DUSP7: variants seen among roughly 807,000 people sequenced by gnomAD.
DUSP7 encodes the protein dual specificity protein phosphatase 7.
A neutral mutation model predicts 29.8 loss-of-function variants in DUSP7; 7 were observed. The observed-to-expected ratio is 0.24, with a 90% CI of 0.13 to 0.44. The LOEUF is 0.44. DUSP7 is among the 20% of genes least tolerant of loss of function. The probability of loss-of-function intolerance (pLI) is 1.00; values close to 1 mark genes in which losing one functional copy is unlikely to be tolerated. For synonymous variants in DUSP7, 287 were observed against 275.4 expected, an observed-to-expected ratio of 1.04 and a Z score of -0.42; for missense variants, 400 against 583.7, an observed-to-expected ratio of 0.69 and a Z score of 3.24.
Position 52,056,508 on chromosome 3 carries a change from G to T in DUSP7, c.-142C>A, listed in dbSNP as rs926803995. 7.6e-6 allele frequency: 2 copies of T among 262,630 alleles called. No homozygotes were observed. Among genetic ancestry groups the T allele is most frequent in the African/African-American group, 4.7e-5 (2 of 42,722 alleles). 16.3% of individuals were successfully genotyped at this position (262,630 alleles called of 1,614,324 possible). On this transcript the variant is annotated 5_prime_UTR_variant, in exon 1 of 3. Transcript: ENST00000495880. This position sits in a 1 kb window ranked among gnomAD's most constrained non-coding sequence, Gnocchi z 6.4. ...GCCGCCCCGGCCTCCCGGCCTCCCGGCCTCCGTCCCGCCCGCCCGCCCGGC... is the reference window on the plus strand; with the variant it reads ...GCCGCCCCGGCCTCCCGGCCTCCCGTCCTCCGTCCCGCCCGCCCGCCCGGC...
At chr3:52,055,756 G>C in intron 1 of DUSP7, 94 bp downstream of exon 1, 1 of 1,392,250 alleles carries the variant, frequency 7.2e-7, no homozygotes, top group Non-Finnish European at 9.4e-7. Context: ...AGAGGGGCAG[G>C]CCGAGCGCGT....
At position 52,054,729 on chromosome 3, in the gene DUSP7, G is replaced by T. The variant is rs1701881771; in HGVS notation, c.518-355C>A. Among the ~76,000 whole-genome samples the T allele has an allele frequency of 6.6e-6, 1 of 152,146 alleles. No homozygotes were observed. Among genetic ancestry groups the T allele is most frequent in the Admixed American group, 6.6e-5 (1 of 15,266 alleles). On this transcript the variant is annotated intron_variant, in intron 1 of 2. Coordinates refer to ENST00000495880, the MANE Select transcript of DUSP7 (RefSeq NM_001947.4). This position sits in a 1 kb window ranked among gnomAD's most constrained non-coding sequence, Gnocchi z 4.1. ...CTCCCACGCACACCTAGCACCCATG[G>T]GTGTTCAGTAACAGCTAAGTGGTAA...
chr3:52,055,647 C>A (rs1410603525), intron 1 of DUSP7, among the ~76,000 whole-genome samples: 1 of 152,200 alleles, frequency 6.6e-6, no homozygotes, highest in East Asian at 1.9e-4. Context: ...CGAATCGTGC[C>A]GAGAAAGGGG....
Position 52,051,067 on chromosome 3 carries a change from G to A in DUSP7, c.1008C>T (p.Ser336=), listed in dbSNP as rs1194854490. 3 of 1,613,860 alleles carry A rather than the reference G, an allele frequency of 1.9e-6. No individual in the cohort carries two copies. Among genetic ancestry groups the A allele is most frequent in the Non-Finnish European group, 2.5e-6 (3 of 1,180,014 alleles). The part of the protein sequence containing the change: ...GVLVHCLAGI[S]RSVTVTVAYL... ...AGGCCACAGTGACCGTCACTGAGCGGCTGATGCCTGCCAGGCAGTGCACCA... is the reference window on the plus strand; with the variant it reads ...AGGCCACAGTGACCGTCACTGAGCGACTGATGCCTGCCAGGCAGTGCACCA... The change falls in exon 3 of 3, where the codon AGC becomes AGT. Residue 336 remains serine, a synonymous_variant. Coordinates refer to ENST00000495880, the MANE Select transcript of DUSP7 (RefSeq NM_001947.4). This position sits in a 1 kb window ranked among gnomAD's most constrained non-coding sequence, Gnocchi z 4.8.
chr3:52,055,034 C>T (rs2106894148), intron 1 of DUSP7, among the ~76,000 whole-genome samples: 1 of 152,332 alleles, frequency 6.6e-6, no homozygotes, highest in Middle Eastern at 3.4e-3. Flanking sequence ...GCCCCACCCC[C>T]AGCCTTGGAC....
chr3:52,053,158 T>C lies in DUSP7; in HGVS notation c.952+782A>G, dbSNP rs1373041781. 2 of 152,322 alleles carry C rather than the reference T, an allele frequency of 1.3e-5. No homozygotes were observed. The highest frequency in any genetic ancestry group is 2.9e-5 in the Non-Finnish European group (2 of 68,138). 9.4% of individuals were successfully genotyped at this position (152,322 alleles called of 1,614,324 possible). On this transcript the variant is annotated intron_variant, in intron 2 of 2. Coordinates refer to ENST00000495880, the MANE Select transcript of DUSP7 (RefSeq NM_001947.4). This position sits in a 1 kb window ranked among gnomAD's most constrained non-coding sequence, Gnocchi z 4.6. ...AACATTGGGTCACCAGGCTCAGAGA[T>C]AGAGCGTTTACATTCATCCTGAGCC...
rs937176242 is a variant in DUSP7 at position 52,050,957 on chromosome 3, T to C, written c.1118A>G (p.Asn373Ser). ...AAAGTCCAGCAGCTGCCCCATGAAG[T>C]TGAAGTTGGGCGAGATGTTGGACTT... ...RKKSNISPNFNFMGQLLDFER... is the reference protein window; with the variant it reads ...RKKSNISPNFSFMGQLLDFER... The change falls in exon 3 of 3, where the codon AAC becomes AGC. Residue 373 changes from asparagine to serine, a missense_variant. Physicochemically the swap from Asn to Ser is conservative, Grantham distance 46. Coordinates refer to ENST00000495880, the MANE Select transcript of DUSP7 (RefSeq NM_001947.4). The surrounding 1 kb of genome is among the most constrained non-coding windows in gnomAD (Gnocchi z 5.0). 1.2e-6 allele frequency: 2 copies of C among 1,614,138 alleles called. No homozygotes were observed. The highest frequency in any genetic ancestry group is 1.7e-6 in the Non-Finnish European group (2 of 1,180,054).
intron 1 of DUSP7, among the ~76,000 whole-genome samples, chr3:52,055,455 T>C (rs1661119521): frequency 1.3e-5 from 2 of 152,198 alleles, no homozygotes; most frequent in African/African-American, 4.8e-5. Context: ...GTGCCCTTCC[T>C]GATCCTGGCC....
rs757721771 is a variant in DUSP7, at chr3:52,054,316, G to A, written c.576C>T (p.Ser192=). The A allele has an allele frequency of 6.3e-7, 1 of 1,577,282 alleles. No individual in the cohort carries two copies. Among genetic ancestry groups the A allele is most frequent in the African/African-American group, 1.4e-5 (1 of 74,042 alleles). Residue 192 remains serine (S), a synonymous_variant, in exon 2 of 3, where the codon AGC becomes AGT. Transcript: ENST00000495880. This position sits in a 1 kb window ranked among gnomAD's most constrained non-coding sequence, Gnocchi z 4.1. ...YSEHCETNVD[S]SSSPSSSPPT... Reference sequence around the variant, plus strand: ...GTGGCGAGCTGCTCGGCGAGGAAGAGCTGTCCACGTTGGTCTCGCAGTGCT... The same window carrying A: ...GTGGCGAGCTGCTCGGCGAGGAAGAACTGTCCACGTTGGTCTCGCAGTGCT...
intron 1 of DUSP7, among the ~76,000 whole-genome samples, chr3:52,055,549 G>A (rs1266378281): frequency 6.6e-6 from 1 of 152,156 alleles, no homozygotes; most frequent in East Asian, 1.9e-4. Flanking sequence ...ACCTCTGAGG[G>A]GCTCCACTGG....
chr3:52,054,053 T>G lies in DUSP7; in HGVS notation c.839A>C (p.Asn280Thr). 6.2e-7 allele frequency: 1 copy of G among 1,614,082 alleles called. No homozygotes were observed. The highest frequency in any genetic ancestry group is 8.5e-7 in the Non-Finnish European group (1 of 1,180,004). ...GCCGTGCTCGAAGGCGTTGGGTAGG[T>G]TGGGTGTGACATTGAGGATATACTT... Reference protein sequence around the residue: ...GIKYILNVTPNLPNAFEHGGE... With the variant: ...GIKYILNVTPTLPNAFEHGGE... The change falls in exon 2 of 3, where the codon AAC (asparagine) becomes ACC (threonine). Residue 280 changes from asparagine (N) to threonine (T), a missense_variant. Coordinates refer to ENST00000495880, the MANE Select transcript of DUSP7 (RefSeq NM_001947.4). The surrounding 1 kb of genome is among the most constrained non-coding windows in gnomAD (Gnocchi z 4.1).
chr3:52,055,049 A>G (rs551697900), intron 1 of DUSP7, among the ~76,000 whole-genome samples: 1 of 152,200 alleles, frequency 6.6e-6, no homozygotes, highest in South Asian at 2.1e-4. Flanking sequence ...TTGGACCTGC[A>G]GCGGGGGAGG....
At position 52,053,234 on chromosome 3, in the gene DUSP7, A is replaced by T. The variant is rs1004467067; in HGVS notation, c.952+706T>A. 6 of 153,676 alleles carry T rather than the reference A, an allele frequency of 3.9e-5. No individual in the cohort carries two copies. Among genetic ancestry groups the T allele is most frequent in the African/African-American group, 1.4e-4 (6 of 41,464 alleles). 9.5% of individuals were successfully genotyped at this position (153,676 alleles called of 1,614,324 possible). On this transcript the variant is annotated intron_variant, in intron 2 of 2. Coordinates refer to ENST00000495880, the MANE Select transcript of DUSP7 (RefSeq NM_001947.4). The surrounding 1 kb of genome is among the most constrained non-coding windows in gnomAD (Gnocchi z 4.6). The stretch of plus-strand genomic sequence containing the variant: ...GCCAGGGGAGATGACCTGTGGTCTC[A>T]GCCTCCAGCTGGCCAAGGAGAAAGC...
At position 52,050,561 on chromosome 3, in the gene DUSP7, G is replaced by A; in HGVS notation, c.*254C>T. ...GAAAGGAGCGTCCTGGACAGGATGA[G>A]GCCCTGGTGGACGCCCAAAGCCACG... On this transcript the variant is annotated 3_prime_UTR_variant, in exon 3 of 3. Coordinates refer to ENST00000495880, the MANE Select transcript of DUSP7 (RefSeq NM_001947.4). The surrounding 1 kb of genome is among the most constrained non-coding windows in gnomAD (Gnocchi z 5.0). The A allele has an allele frequency of 2.0e-6, 1 of 495,040 alleles. No homozygotes were observed. The highest frequency in any genetic ancestry group is 3.6e-6 in the Non-Finnish European group (1 of 277,994). 30.7% of individuals were successfully genotyped at this position (495,040 alleles called of 1,614,324 possible).
Position 52,056,511 on chromosome 3 carries a change from T to C in DUSP7, c.-145A>G, listed in dbSNP as rs942185546. The C allele has an allele frequency of 4.0e-6, 1 of 249,654 alleles. No homozygotes were observed. The allele number at this position is 249,654 out of a possible 1,614,324, so 15.5% of individuals were successfully genotyped here. The stretch of plus-strand genomic sequence containing the variant: ...GCCCCGGCCTCCCGGCCTCCCGGCC[T>C]CCGTCCCGCCCGCCCGCCCGGCCCT... On this transcript the variant is annotated 5_prime_UTR_variant, in exon 1 of 3. Transcript: ENST00000495880. The surrounding 1 kb of genome is among the most constrained non-coding windows in gnomAD (Gnocchi z 6.4).
intron 1 of DUSP7, 150 bp downstream of exon 1, chr3:52,055,700 C>A (rs1701893999): frequency 1.0e-6 from 1 of 996,102 alleles, no homozygotes; most frequent in Non-Finnish European, 1.4e-6. Flanking sequence ...ACAGTGGGGA[C>A]CCGGCTCCAG....
In DUSP7 at chr3:52,055,931, C is replaced by G. The variant is rs1404038541; in HGVS notation, c.436G>C (p.Glu146Gln). ...AGCACGGAGGCGGGAGCGCCGGGCT[C>G]GGGCTGCCACTCGGCCGTGGCCTCG... ...YDEATAEWQP[E>Q]PGAPASVLGL... The change falls in exon 1 of 3, where the codon GAG becomes CAG. Residue 146 changes from glutamate to glutamine, a missense_variant. By Grantham distance (29) the Glu-to-Gln change is conservative. Coordinates refer to ENST00000495880, the MANE Select transcript of DUSP7 (RefSeq NM_001947.4). 6 of 1,540,308 alleles carry G rather than the reference C, an allele frequency of 3.9e-6. No homozygotes were observed. Among genetic ancestry groups the G allele is most frequent in the Admixed American group, 2.0e-5 (1 of 50,906 alleles).
rs771670072 is a variant in DUSP7 at position 52,054,334 on chromosome 3, G to A, written c.558C>T (p.Cys186=). ...NKFQTEYSEH[C]ETNVDSSSSP... is the part of the protein sequence containing the mutation. The stretch of plus-strand genomic sequence containing the variant: ...AGGAAGAGCTGTCCACGTTGGTCTC[G>A]CAGTGCTCAGAGTACTCTGTTTGAA... Residue 186 remains cysteine, a synonymous_variant, in exon 2 of 3, where the codon TGC becomes TGT. Coordinates refer to ENST00000495880, the MANE Select transcript of DUSP7 (RefSeq NM_001947.4). This position sits in a 1 kb window ranked among gnomAD's most constrained non-coding sequence, Gnocchi z 4.1. 1.2e-5 allele frequency: 19 copies of A among 1,560,888 alleles called. No individual in the cohort carries two copies. The highest frequency in any genetic ancestry group is 5.5e-5 in the Admixed American group (3 of 54,176).
At chr3:52,052,654 C>T (rs1177091296) in intron 2 of DUSP7, 1 of 152,358 alleles carries the variant, frequency 6.6e-6, no homozygotes, top group East Asian at 1.9e-4. Flanking sequence ...GGTGACTGAT[C>T]CTGTCCCACT....
Sources: gnomAD v4.1 joint callset for allele counts (sites outside exome capture counted in the v4.1 genomes callset) on GRCh38, gnomAD v4.1.1 for gene constraint, Gnocchi (gnomAD v3.1) non-coding constraint, MANE v1.5 for transcripts, NCBI Gene and HGNC (gene_info 2026-07-23, HGNC 2026-07-21) for gene names.